PUDP: variants seen among roughly 807,000 people sequenced by gnomAD.
PUDP encodes the protein pseudouridine 5'-phosphatase, also known as pseudouridine-5'-phosphatase.
PUDP carries 8 observed loss-of-function variants against 9.4 expected under a neutral mutation model. That is an observed-to-expected ratio of 0.85 (90% confidence interval 0.50 to 1.53). PUDP has a LOEUF of 1.53. Ranked by LOEUF, PUDP falls within the 40% of genes most tolerant of loss-of-function variation. PUDP has a pLI of 0.00. For synonymous variants in PUDP, 99 were observed against 80.7 expected (o/e 1.23, Z -1.22); for missense variants, 188 against 189.7 (o/e 0.99, Z 0.05).
At chrX:6,863,093 G>A (rs780861678) in intron 3 of PUDP, among the ~76,000 whole-genome samples, 1 of 111,679 alleles carries the variant, frequency 9.0e-6, no homozygotes, top group African/African-American at 3.2e-5. Context: ...TGGCCAGAGT[G>A]CAGTGGCATT....
chrX:7,052,496 A>AC (rs1930131002), intron 3 of PUDP, among the ~76,000 whole-genome samples: 3 of 111,200 alleles, frequency 2.7e-5, no homozygotes, highest in Admixed American at 9.5e-5. Context: ...AAAACACTGA[A>AC]ACACACACAC....
intron 1 of PUDP, among the ~76,000 whole-genome samples, chrX:7,128,748 G>C (rs746906273): frequency 1.3e-4 from 14 of 111,803 alleles, no homozygotes; most frequent in Non-Finnish European, 2.6e-4. Context: ...GGGGAAATGT[G>C]TTCTAACTAT....
At chrX:6,900,541 C>T (rs898090872) in intron 3 of PUDP, among the ~76,000 whole-genome samples, 6 of 99,381 alleles carry the variant, frequency 6.0e-5, no homozygotes, top group African/African-American at 1.1e-4. Context: ...GAGAGGGAGA[C>T]GGAGAGGGAG....
chrX:7,054,466 G>C (rs1930186264), intron 3 of PUDP, among the ~76,000 whole-genome samples: 1 of 111,667 alleles, frequency 9.0e-6, no homozygotes, highest in African/African-American at 3.3e-5. Context: ...GCAACAGAAG[G>C]GCCATTTGAA....
intron 3 of PUDP, among the ~76,000 whole-genome samples, chrX:6,728,466 G>C (rs1008584656): frequency 8.1e-5 from 9 of 111,558 alleles, no homozygotes; most frequent in African/African-American, 2.6e-4. Flanking sequence ...ACAGCAACAT[G>C]CTTATGCTTA....
intron 3 of PUDP, among the ~76,000 whole-genome samples, chrX:6,751,257 A>G (rs895899960): frequency 1.8e-5 from 2 of 112,057 alleles, no homozygotes; most frequent in African/African-American, 6.5e-5. Flanking sequence ...CAAAAAGAAT[A>G]CTACGTTCTT....
chrX:7,014,100 C>G (rs1036675788), intron 1 of PUDP, among the ~76,000 whole-genome samples: 3 of 110,317 alleles, frequency 2.7e-5, no homozygotes, highest in African/African-American at 1.0e-4. Context: ...TCCCTCTGAC[C>G]ACCCCCAGTT....
chrX:6,845,372 A>G (rs964399714), intron 3 of PUDP, among the ~76,000 whole-genome samples: 2 of 112,269 alleles, frequency 1.8e-5, no homozygotes, highest in African/African-American at 6.5e-5. Flanking sequence ...GCTGGGGGCA[A>G]GAAGACCAGT....
intron 3 of PUDP, among the ~76,000 whole-genome samples, chrX:6,901,469 T>C (rs1478699612): frequency 2.7e-5 from 3 of 112,326 alleles, no homozygotes; most frequent in Non-Finnish European, 5.6e-5. Flanking sequence ...CTTGCTATCT[T>C]GTTTGTGTGG....
intron 1 of PUDP, among the ~76,000 whole-genome samples, chrX:7,021,806 C>T (rs1929638124): frequency 8.9e-6 from 1 of 111,981 alleles, no homozygotes; most frequent in African/African-American, 3.2e-5. Flanking sequence ...AATCCTACCT[C>T]GATTTCTGAG....
At chrX:7,097,968 T>C (rs1409005750) in intron 2 of PUDP, among the ~76,000 whole-genome samples, 1 of 111,786 alleles carries the variant, frequency 8.9e-6, no homozygotes, top group Non-Finnish European at 1.9e-5. Context: ...GTCATGTGCA[T>C]GGTGTCCATG....
intron 3 of PUDP, among the ~76,000 whole-genome samples, chrX:6,962,951 A>C (rs1243842255): frequency 5.3e-5 from 6 of 112,996 alleles, no homozygotes; most frequent in Non-Finnish European, 1.1e-4. Flanking sequence ...TCGGCAGATG[A>C]AGCTCTGAGA....
chrX:6,758,212 A>G (rs28374725), intron 3 of PUDP, among the ~76,000 whole-genome samples: 1 of 112,176 alleles, frequency 8.9e-6, no homozygotes, highest in East Asian at 2.8e-4. Context: ...CTGTAATCAC[A>G]GCACTTTGGG....
At chrX:6,819,469 T>C (rs1260643283) in intron 3 of PUDP, among the ~76,000 whole-genome samples, 2 of 112,583 alleles carry the variant, frequency 1.8e-5, no homozygotes, top group Non-Finnish European at 3.7e-5. Flanking sequence ...CTTGGAGATA[T>C]GACATAGGCT....
intron 3 of PUDP, among the ~76,000 whole-genome samples, chrX:7,055,711 G>A (rs1441362031): frequency 8.9e-6 from 1 of 111,831 alleles, no homozygotes; most frequent in Non-Finnish European, 1.9e-5. Context: ...TGAAACTTAA[G>A]GATTTAAGAA....
At chrX:6,725,712 G>A (rs1186731770), upstream of PUDP, among the ~76,000 whole-genome samples, 1 of 111,953 alleles carries the variant, frequency 8.9e-6, no homozygotes, top group Non-Finnish European at 1.9e-5. Flanking sequence ...ACAATGATGA[G>A]ATATTATCTT....
intron 3 of PUDP, among the ~76,000 whole-genome samples, chrX:6,820,660 C>T (rs1336167894): frequency 8.9e-6 from 1 of 111,915 alleles, no homozygotes; most frequent in Non-Finnish European, 1.9e-5. Context: ...AAAATGATCT[C>T]CTTTGACTCC....
chrX:6,955,365 TGC>T (rs1569130374), intron 3 of PUDP, among the ~76,000 whole-genome samples: 2 of 110,726 alleles, frequency 1.8e-5, no homozygotes, highest in African/African-American at 6.6e-5. Flanking sequence ...GGACTACAGG[TGC>T]ATGCCACCAT....
At chrX:6,752,455 C>T (rs772570809) in intron 3 of PUDP, among the ~76,000 whole-genome samples, 9 of 111,858 alleles carry the variant, frequency 8.0e-5, no homozygotes, top group Admixed American at 1.9e-4. Context: ...TGGCCTGATC[C>T]AGGCTGTCCT....
Sources: allele counts gnomAD v4.1 joint callset (sites outside exome capture counted in the v4.1 genomes callset), GRCh38; gene constraint gnomAD v4.1.1; transcripts MANE v1.5; gene names NCBI Gene and HGNC (gene_info 2026-07-23, HGNC 2026-07-21).